The following DIAPH1 variants were observed in gnomAD, a reference collection of about 807,000 sequenced individuals.
DIAPH1 encodes the protein diaphanous related formin 1, also known as protein diaphanous homolog 1.
Under a neutral mutation model 140.7 loss-of-function variants are expected in DIAPH1, and 46 were observed. The ratio of observed to expected loss-of-function variants is 0.33; its 90% CI spans 0.26 to 0.42. The LOEUF (loss-of-function observed/expected upper bound fraction) is 0.42. Among genes scored for constraint, DIAPH1 ranks in the 10% least tolerant of loss-of-function variants. DIAPH1 has a pLI of 1.00. For missense variants in DIAPH1, 1,310 were observed against 1,558.7 expected (o/e 0.84, Z 2.69); for synonymous variants, 565 against 551.6 (o/e 1.02, Z -0.34).
At chr5:141,520,758 T>C (rs1165163785) in intron 27 of DIAPH1, among the ~76,000 whole-genome samples, 1 of 152,202 alleles carries the variant, frequency 6.6e-6, no homozygotes, top group Non-Finnish European at 1.5e-5. Flanking sequence ...TGAAAGAATA[T>C]TTCCGGCCCA....
At chr5:141,598,392 GCTT>G (rs768937550) in intron 1 of DIAPH1, among the ~76,000 whole-genome samples, 1 of 152,150 alleles carries the variant, frequency 6.6e-6, no homozygotes, top group Non-Finnish European at 1.5e-5. Context: ...ATTAAAATGA[GCTT>G]CTCTTCTCCA....
In DIAPH1 at chr5:141,557,561, T is replaced by C. The variant is rs570713870; in HGVS notation, c.2482+13867A>G. 7.2e-5 allele frequency among the ~76,000 whole-genome samples: 11 copies of C among 152,310 alleles called. No individual in the cohort carries two copies. In the East Asian group the frequency reaches 1.7e-3, roughly 24 times the overall value. Reference sequence around the variant, plus strand: ...CAGCTAAGTGAAAGGGGTTCCTTTTTTTCTTCTTTTTTTGGGGGTATCTTT... The same window carrying C: ...CAGCTAAGTGAAAGGGGTTCCTTTTCTTCTTCTTTTTTTGGGGGTATCTTT... On this transcript the variant is annotated intron_variant, in intron 18 of 27. Coordinates refer to ENST00000389054, the MANE Select transcript of DIAPH1 (RefSeq NM_005219.5).
At chr5:141,570,194 G>A (rs2154596154) in intron 18 of DIAPH1, among the ~76,000 whole-genome samples, 1 of 152,296 alleles carries the variant, frequency 6.6e-6, no homozygotes, top group Admixed American at 6.5e-5. Flanking sequence ...GTATTCATTT[G>A]CAATGGCACT....
At chr5:141,583,047 T>C (rs2099897013) in intron 6 of DIAPH1, among the ~76,000 whole-genome samples, 159 bp downstream of exon 6, 1 of 152,202 alleles carries the variant, frequency 6.6e-6, no homozygotes, top group Non-Finnish European at 1.5e-5. Context: ...TAATCATCAT[T>C]CATCCTCTAG....
intron 27 of DIAPH1, among the ~76,000 whole-genome samples, chr5:141,520,482 C>T (rs934264306): frequency 1.3e-5 from 2 of 152,134 alleles, no homozygotes. Flanking sequence ...TTAAAAGAGC[C>T]TGGCATCTCT....
At chr5:141,548,915 T>A (rs1042487408) in intron 18 of DIAPH1, among the ~76,000 whole-genome samples, 4 of 152,228 alleles carry the variant, frequency 2.6e-5, no homozygotes, top group African/African-American at 9.6e-5. Flanking sequence ...TATATTGTAA[T>A]TTTTAAGATA....
At chr5:141,550,492 T>C (rs2099891524) in intron 18 of DIAPH1, 1 of 154,558 alleles carries the variant, frequency 6.5e-6, no homozygotes, top group Non-Finnish European at 1.5e-5. Context: ...AGTCTAGATG[T>C]TCCTTCCTTG....
intron 18 of DIAPH1, among the ~76,000 whole-genome samples, chr5:141,551,703 T>C (rs1012826845): frequency 2.6e-5 from 4 of 152,164 alleles, no homozygotes; most frequent in African/African-American, 9.7e-5. Flanking sequence ...AATAGTACAA[T>C]GCCTACTCCA....
intron 20 of DIAPH1, 116 bp from the exon 21 acceptor site, chr5:141,529,389 CAT>C (rs1045505143): frequency 3.9e-5 from 38 of 980,686 alleles, no homozygotes; most frequent in African/African-American, 1.6e-5. Flanking sequence ...CAGAAAGAAA[CAT>C]ATGGTGGGAG....
chr5:141,574,911 A>T, intron 15 of DIAPH1, 56 bp downstream of exon 15: 2 of 1,601,364 alleles, frequency 1.2e-6, no homozygotes, highest in Admixed American at 1.7e-5. Context: ...CTCCTGTTCC[A>T]AGCCATGTGC....
intron 16 of DIAPH1, 82 bp downstream of exon 16, chr5:141,573,410 G>C (rs1295478203): frequency 6.5e-7 from 1 of 1,543,458 alleles, no homozygotes; most frequent in Non-Finnish European, 8.8e-7. Context: ...ACTCCAGCCT[G>C]GGCGACAGAG....
chr5:141,532,351 T>C (rs1288958572), intron 19 of DIAPH1, among the ~76,000 whole-genome samples: 1 of 152,176 alleles, frequency 6.6e-6, no homozygotes, highest in African/African-American at 2.4e-5. Context: ...TTATGTTTTG[T>C]AGAGACAGGG....
chr5:141,556,724 C>T (rs1340240254), intron 18 of DIAPH1, among the ~76,000 whole-genome samples: 1 of 152,124 alleles, frequency 6.6e-6, no homozygotes, highest in Admixed American at 6.5e-5. Context: ...TGGAGTCTCA[C>T]TCTGTCACCC....
rs1390738526 is a variant in DIAPH1 at position 141,573,758 on chromosome 5, C to T, written c.2092G>A (p.Ala698Thr). ...PPPPPPLPGS[A>T]GIPPPPPPLP... ...GGAGGAGGTGGGGGGGGAATTCCAG[C>T]ACTCCCAGGCAAAGGAGGTGGTGGT... Residue 698 changes from alanine (A) to threonine (T), a missense_variant, in exon 16 of 28, where the codon GCT becomes ACT. This residue lies in a region of DIAPH1 where 589 missense variants were observed against 549.3 expected (regional missense o/e 1.07). Transcript: ENST00000389054. 42 of 1,524,168 alleles carry T rather than the reference C, an allele frequency of 2.8e-5. No homozygotes were observed. The highest frequency in any genetic ancestry group is 3.6e-5 in the Non-Finnish European group (41 of 1,134,846). 94.4% of individuals were successfully genotyped at this position (1,524,168 alleles called of 1,614,324 possible).
At chr5:141,528,423 G>T (rs765135612) in intron 23 of DIAPH1, 30 bp downstream of exon 23, 3 of 1,613,774 alleles carry the variant, frequency 1.9e-6, no homozygotes, top group Non-Finnish European at 8.5e-7. Context: ...AGAGACTTTT[G>T]GGCTCTAGCT....
chr5:141,573,704 G>C lies in DIAPH1; in HGVS notation c.2146C>G (p.Pro716Ala). Residue 716 changes from proline to alanine, a missense_variant, in exon 16 of 28, where the codon CCT (proline) becomes GCT (alanine). This residue lies in a region of DIAPH1 where 589 missense variants were observed against 549.3 expected (regional missense o/e 1.07). Transcript: ENST00000389054. ...PLPGEAGMPP[P>A]PPPLPGGPGI... ...GGACCACCAGGAAGAGGGGGAGGAGGAGGTGGCATTCCTGCTTCTCCAGGC... is the reference window on the plus strand; with the variant it reads ...GGACCACCAGGAAGAGGGGGAGGAGCAGGTGGCATTCCTGCTTCTCCAGGC... 6.3e-7 allele frequency: 1 copy of C among 1,596,950 alleles called. No homozygotes were observed. The highest frequency in any genetic ancestry group is 8.6e-7 in the Non-Finnish European group (1 of 1,169,122).
intron 18 of DIAPH1, chr5:141,557,661 G>A (rs1016857148): frequency 6.6e-6 from 1 of 152,106 alleles, no homozygotes; most frequent in African/African-American, 2.4e-5. Context: ...CAGGATTAGA[G>A]TCTAGATGAG....
chr5:141,572,996 G>A (rs1016261818), intron 16 of DIAPH1, among the ~76,000 whole-genome samples: 1 of 152,216 alleles, frequency 6.6e-6, no homozygotes, highest in East Asian at 1.9e-4. Flanking sequence ...AGAACTCTCC[G>A]TGGTGATGTA....
intron 18 of DIAPH1, chr5:141,563,269 A>T (rs1334079224): frequency 6.6e-6 from 1 of 152,222 alleles, no homozygotes; most frequent in Admixed American, 6.5e-5. Context: ...AGTGCCTCTG[A>T]AACAGTGACT....
Sources: gnomAD v4.1 joint callset for allele counts (sites outside exome capture counted in the v4.1 genomes callset) on GRCh38, gnomAD v4.1.1 for gene constraint, gnomAD v4.1.1 regional missense constraint, MANE v1.5 for transcripts, NCBI Gene and HGNC (gene_info 2026-07-23, HGNC 2026-07-21) for gene names.